The following GSK3B variants were observed in gnomAD, a reference collection of about 807,000 sequenced individuals.
The protein encoded by GSK3B is glycogen synthase kinase-3 beta.
In GSK3B, 15 loss-of-function variants were observed where a neutral mutation model predicts 56.4. That is an observed-to-expected ratio of 0.27 (90% CI 0.18 to 0.41). The LOEUF (loss-of-function observed/expected upper bound fraction) is 0.41. Ranked by LOEUF, GSK3B falls within the 10% of genes least tolerant of loss-of-function variation. GSK3B has a pLI of 1.00. For synonymous variants in GSK3B, 181 were observed against 188.9 expected (o/e 0.96, Z 0.34); for missense variants, 300 against 513.4 (o/e 0.58, Z 4.02).
intron 1 of GSK3B, among the ~76,000 whole-genome samples, chr3:120,048,178 T>G (rs1046006657): frequency 2.0e-5 from 3 of 152,206 alleles, no homozygotes; most frequent in African/African-American, 7.2e-5. Context: ...TTACCTCAAC[T>G]TATAGGAAAA....
chr3:119,998,909 A>T (rs1055936611), intron 2 of GSK3B, among the ~76,000 whole-genome samples: 5 of 152,266 alleles, frequency 3.3e-5, no homozygotes, highest in Non-Finnish European at 7.3e-5. Flanking sequence ...CATTACTCAT[A>T]TTCAAATAAC....
chr3:119,951,362 A>C (rs539691499), intron 2 of GSK3B, among the ~76,000 whole-genome samples: 1 of 152,378 alleles, frequency 6.6e-6, no homozygotes, highest in African/African-American at 2.4e-5. Context: ...ACCTGAGGAC[A>C]GGAGTTCAAG....
chr3:119,962,867 C>T (rs927412103), intron 2 of GSK3B, among the ~76,000 whole-genome samples: 1 of 152,146 alleles, frequency 6.6e-6, no homozygotes, highest in Non-Finnish European at 1.5e-5. Flanking sequence ...CCCTCGCATG[C>T]GGATGTCACA....
intron 1 of GSK3B, among the ~76,000 whole-genome samples, chr3:120,015,804 A>G (rs2057821427): frequency 6.6e-6 from 1 of 152,132 alleles, no homozygotes; most frequent in South Asian, 2.1e-4. Flanking sequence ...GGATTTGAGA[A>G]CTGACTAATT....
chr3:120,040,741 T>C (rs940261831), intron 1 of GSK3B, among the ~76,000 whole-genome samples: 2 of 151,924 alleles, frequency 1.3e-5, no homozygotes, highest in African/African-American at 4.8e-5. Flanking sequence ...AATAAAAGGT[T>C]AGAAAAGCCA....
chr3:119,942,769 T>C (rs1427245929), intron 3 of GSK3B, among the ~76,000 whole-genome samples: 1 of 152,090 alleles, frequency 6.6e-6, no homozygotes, highest in Non-Finnish European at 1.5e-5. Flanking sequence ...TACTGCCAAA[T>C]ATTAAAAAAA....
chr3:120,051,619 T>C (rs2107542774), intron 1 of GSK3B, among the ~76,000 whole-genome samples: 1 of 151,934 alleles, frequency 6.6e-6, no homozygotes, highest in Admixed American at 6.6e-5. Context: ...ATACAAAAAT[T>C]AGCCAGGTGT....
chr3:119,917,623 T>A (rs1184619405), intron 4 of GSK3B, among the ~76,000 whole-genome samples: 1 of 151,276 alleles, frequency 6.6e-6, no homozygotes, highest in Non-Finnish European at 1.5e-5. Context: ...AGGGTATTGA[T>A]GTCTAGGTCT....
chr3:120,033,588 G>A (rs1015659160), intron 1 of GSK3B, among the ~76,000 whole-genome samples: 5 of 151,942 alleles, frequency 3.3e-5, no homozygotes, highest in Admixed American at 6.6e-5. Flanking sequence ...GCATCTTTTC[G>A]TGCATTGATA....
intron 1 of GSK3B, among the ~76,000 whole-genome samples, chr3:120,034,911 GC>G (rs1319445834): frequency 1.3e-5 from 2 of 152,002 alleles, no homozygotes; most frequent in African/African-American, 4.8e-5. Flanking sequence ...CCACAACATG[GC>G]AAAACCTCAC....
At chr3:119,872,704 C>A (rs1431371151) in intron 8 of GSK3B, among the ~76,000 whole-genome samples, 1 of 152,116 alleles carries the variant, frequency 6.6e-6, no homozygotes, top group Non-Finnish European at 1.5e-5. Flanking sequence ...CTACATCCTT[C>A]ACATTTATTC....
chr3:120,078,946 CTT>C (rs57627812), intron 1 of GSK3B, among the ~76,000 whole-genome samples: 1 of 142,044 alleles, frequency 7.0e-6, no homozygotes, highest in Admixed American at 7.0e-5. Context: ...CACACACACA[CTT>C]TTTTTTCTTT....
At chr3:120,041,082 G>C (rs1185199591) in intron 1 of GSK3B, 1 of 154,906 alleles carries the variant, frequency 6.5e-6, no homozygotes, top group East Asian at 1.9e-4. Context: ...AGTAGGCAGA[G>C]CCCACGCTCC....
intron 1 of GSK3B, among the ~76,000 whole-genome samples, chr3:120,092,848 G>A (rs890794158): frequency 6.6e-6 from 1 of 152,040 alleles, no homozygotes; most frequent in Non-Finnish European, 1.5e-5. Flanking sequence ...ATACAAACAA[G>A]AAAAAAATGT....
Position 119,831,589 on chromosome 3 carries a change from A to G in GSK3B, c.1196-4734T>C, listed in dbSNP as rs529056065. ...GGAGAATGGCGTGAACCTGGGAGGCAGAGGTTGCAATGAGCCGAAATCATG... is the reference window on the plus strand; with the variant it reads ...GGAGAATGGCGTGAACCTGGGAGGCGGAGGTTGCAATGAGCCGAAATCATG... On this transcript the variant is annotated intron_variant, in intron 10 of 10. Transcript: ENST00000264235. 1.1e-4 allele frequency among the ~76,000 whole-genome samples: 17 copies of G among 151,904 alleles called. No individual in the cohort carries two copies. The East Asian group carries it at 2.1e-3, about 19-fold the overall frequency.
At chr3:119,861,397 G>A (rs146857994) in intron 9 of GSK3B, among the ~76,000 whole-genome samples, 2,522 of 151,978 alleles carry the variant, frequency 0.017, 128 homozygotes, top group Admixed American at 0.11. Flanking sequence ...TGTAATCCCA[G>A]CTACTAAGGA....
At chr3:120,024,514 T>A (rs1372008519) in intron 1 of GSK3B, among the ~76,000 whole-genome samples, 1 of 152,260 alleles carries the variant, frequency 6.6e-6, no homozygotes, top group Non-Finnish European at 1.5e-5. Context: ...ATAGTTAACA[T>A]ACGTACACAT....
intron 3 of GSK3B, among the ~76,000 whole-genome samples, chr3:119,946,896 AACTTC>A (rs1559848162): frequency 6.6e-6 from 1 of 152,124 alleles, no homozygotes. Flanking sequence ...ACCTCTTATC[AACTTC>A]ACTTAACAAA....
chr3:119,864,930 G>A (rs1445618126), intron 8 of GSK3B, among the ~76,000 whole-genome samples: 2 of 152,102 alleles, frequency 1.3e-5, no homozygotes, highest in East Asian at 3.8e-4. Flanking sequence ...CAATTTCTTG[G>A]TTATGTTACA....
Sources: gnomAD v4.1 joint callset for allele counts (sites outside exome capture counted in the v4.1 genomes callset) on GRCh38, gnomAD v4.1.1 for gene constraint, MANE v1.5 for transcripts, NCBI Gene and HGNC (gene_info 2026-07-23, HGNC 2026-07-21) for gene names.